The following RIC3 variants were observed in gnomAD, a reference collection of about 807,000 sequenced individuals.
RIC3 encodes protein RIC-3.
Under a neutral mutation model 27.3 loss-of-function variants are expected in RIC3, and 28 were observed. That is an observed-to-expected ratio of 1.02 (90% CI 0.76 to 1.41). The LOEUF is 1.41. Ranked by LOEUF, RIC3 falls within the 40% of genes most tolerant of loss-of-function variation. RIC3 has a pLI of 0.00. For synonymous variants in RIC3, 184 were observed against 160.4 expected (o/e 1.15, Z -1.11); for missense variants, 501 against 444.7 (o/e 1.13, Z -1.14).
intron 1 of RIC3, among the ~76,000 whole-genome samples, chr11:8,157,617 G>T (rs555085129): frequency 6.6e-6 from 1 of 152,208 alleles, no homozygotes; most frequent in South Asian, 2.1e-4. Context: ...GGGTTCCCAG[G>T]GCAGGCTCTG....
At chr11:8,094,158 C>T in the RIC3 span, 16 of 1,613,842 alleles carry the variant, frequency 9.9e-6, no homozygotes, top group East Asian at 2.2e-5. Flanking sequence ...AGGGTGGCGC[C>T]GCTAGGAAGG....
chr11:8,097,888 G>C, the RIC3 span: 3 of 1,302,444 alleles, frequency 2.3e-6, no homozygotes, highest in East Asian at 6.9e-5. Context: ...CAAGCTGTCT[G>C]TAGAGGGCCT....
chr11:8,128,121 T>C, intron 4 of RIC3: 3 of 450,320 alleles, frequency 6.7e-6, no homozygotes, highest in South Asian at 3.2e-5. Flanking sequence ...GAGTCCTGAC[T>C]CTCCACAACT....
intron 1 of RIC3, among the ~76,000 whole-genome samples, chr11:8,146,904 A>C (rs1322539541): frequency 2.0e-5 from 3 of 152,228 alleles, no homozygotes; most frequent in African/African-American, 7.2e-5. Flanking sequence ...GGAAGCTCTC[A>C]GATAGCAGAC....
At position 8,107,599 on chromosome 11, in the gene RIC3, G is replaced by C. The variant is rs1273628368; in HGVS notation, c.*3099C>G. The C allele has an allele frequency of 6.6e-6, 1 of 152,150 alleles. No homozygotes were observed. Among genetic ancestry groups the C allele is most frequent in the African/African-American group, 2.4e-5 (1 of 41,422 alleles). The allele number at this position is 152,150 out of a possible 1,614,324, so 9.4% of individuals were successfully genotyped here. On this transcript the variant is annotated 3_prime_UTR_variant, in exon 6 of 6. Coordinates refer to ENST00000309737, the MANE Select transcript of RIC3 (RefSeq NM_001206671.4). Reference sequence around the variant, plus strand: ...TCACCCAAGCCATATAAGGTGCATTGTATGGTTCTCAAAGGCCGTTGATTC... The same window carrying C: ...TCACCCAAGCCATATAAGGTGCATTCTATGGTTCTCAAAGGCCGTTGATTC...
At chr11:8,149,155 T>C (rs1949999853) in intron 1 of RIC3, among the ~76,000 whole-genome samples, 1 of 151,570 alleles carries the variant, frequency 6.6e-6, no homozygotes, top group Non-Finnish European at 1.5e-5. Context: ...ATCGCACCAC[T>C]GCACTCCAGC....
downstream of RIC3, chr11:8,105,456 A>C (rs949136804): frequency 7.0e-6 from 1 of 142,238 alleles, no homozygotes; most frequent in Admixed American, 7.4e-5. Context: ...CTCATGATAC[A>C]GGCGGGAGGG....
chr11:8,139,613 C>A, intron 2 of RIC3: 1 of 216,192 alleles, frequency 4.6e-6, no homozygotes, highest in Non-Finnish European at 8.9e-6. Context: ...ATCTTTATTC[C>A]TTTTCGGCCT....
the RIC3 span, chr11:8,095,519 T>G: frequency 6.2e-7 from 1 of 1,611,298 alleles, no homozygotes; most frequent in Non-Finnish European, 8.5e-7. Context: ...CCAGCAGCAC[T>G]GGCAGAAGAC....
At position 8,139,991 on chromosome 11, in the gene RIC3, T is replaced by C. The variant is rs762298668; in HGVS notation, c.327A>G (p.Leu109=). The change falls in exon 2 of 6, where the codon TTA becomes TTG. Residue 109 remains leucine (L), a synonymous_variant. Coordinates refer to ENST00000309737, the MANE Select transcript of RIC3 (RefSeq NM_001206671.4). The part of the protein sequence containing the change: ...IIPIYGFGIF[L]YILYILFKLS... ...CCTTAAATAGAATGTACAGTATATA[T>C]AAAAAAATCCCAAAACCGTAGATTG... The C allele has an allele frequency of 1.2e-6, 2 of 1,613,996 alleles. No homozygotes were observed. Among genetic ancestry groups the C allele is most frequent in the Non-Finnish European group, 1.7e-6 (2 of 1,179,972 alleles).
Position 8,133,233 on chromosome 11 carries a change from T to C in RIC3, c.521+4145A>G, listed in dbSNP as rs1947949685. Among the ~76,000 whole-genome samples, 2 of 152,230 alleles carry C rather than the reference T, an allele frequency of 1.3e-5. 1 individual carries two copies. Among genetic ancestry groups the C allele is most frequent in the South Asian group, 4.1e-4 (2 of 4,832 alleles). On this transcript the variant is annotated intron_variant, in intron 4 of 5. Transcript: ENST00000309737. ...ATGCAGCAAGAAGACCCTCAACAGA[T>C]ACCTGCCTGTAAACCTTGGACTTCA...
chr11:8,114,519 T>C (rs1269599815), intron 5 of RIC3, among the ~76,000 whole-genome samples: 3 of 150,500 alleles, frequency 2.0e-5, no homozygotes, highest in African/African-American at 4.9e-5. Flanking sequence ...GGCAGAAGAA[T>C]CGCTTGAACC....
the RIC3 span, chr11:8,100,701 A>G: frequency 9.9e-5 from 143 of 1,442,954 alleles, no homozygotes; most frequent in African/African-American, 1.7e-3. Flanking sequence ...GTGGAGGGGT[A>G]CCATGTGAGA....
Position 8,109,408 on chromosome 11 carries a change from A to G in RIC3, c.*1290T>C, listed in dbSNP as rs975630641. 7 of 152,132 alleles carry G rather than the reference A, an allele frequency of 4.6e-5. No homozygotes were observed. Among genetic ancestry groups the G allele is most frequent in the African/African-American group, 1.7e-4 (7 of 41,434 alleles). The allele number at this position is 152,132 out of a possible 1,614,324, so 9.4% of individuals were successfully genotyped here. A position where few individuals can be genotyped will look rare whatever the true frequency, so the allele number is the denominator to read the frequency against. On this transcript the variant is annotated 3_prime_UTR_variant, in exon 6 of 6. Transcript: ENST00000309737. ...CCTCATGATGTAATTCATGGGTGCT[A>G]TCTTGTCTCAAGAAGACACACGTCA...
intron 5 of RIC3, among the ~76,000 whole-genome samples, chr11:8,115,421 C>CA (rs1205207396): frequency 6.6e-6 from 1 of 152,046 alleles, no homozygotes; most frequent in Non-Finnish European, 1.5e-5. Flanking sequence ...AGCTTATCCC[C>CA]ACAAGATCTA....
In RIC3 at chr11:8,110,704, T is replaced by G. The variant is rs1285394633; in HGVS notation, c.1104A>C (p.Leu368Phe). ...TACTTCAGACTGGCTGTTTTCACTC[T>G]AAACCCTGGGGGTTACGCTTCCTCA... ...SMLRKRNPQG[L>F]E The change falls in exon 6 of 6, where the codon TTA becomes TTC. Residue 368 changes from leucine to phenylalanine, a missense_variant. Coordinates refer to ENST00000309737, the MANE Select transcript of RIC3 (RefSeq NM_001206671.4). 3.1e-6 allele frequency: 5 copies of G among 1,614,122 alleles called. No individual in the cohort carries two copies. Among genetic ancestry groups the G allele is most frequent in the Non-Finnish European group, 4.2e-6 (5 of 1,179,964 alleles).
At chr11:8,134,324 CTCA>C (rs1187835390) in intron 4 of RIC3, among the ~76,000 whole-genome samples, 2 of 152,152 alleles carry the variant, frequency 1.3e-5, no homozygotes, top group Admixed American at 6.5e-5. Flanking sequence ...AGGACATGAA[CTCA>C]TCATTTTTTA....
chr11:8,138,101 C>T (rs115023882), intron 3 of RIC3, among the ~76,000 whole-genome samples, 171 bp downstream of exon 3: 7 of 152,070 alleles, frequency 4.6e-5, no homozygotes, highest in African/African-American at 1.7e-4. Flanking sequence ...TTTTGTAGTA[C>T]ATCAATATAA....
chr11:8,161,699 T>TG (rs572099176), intron 1 of RIC3, among the ~76,000 whole-genome samples: 2 of 152,276 alleles, frequency 1.3e-5, no homozygotes, highest in South Asian at 4.1e-4. Flanking sequence ...GTGAGAGTGA[T>TG]GGAGGACTTA....
Sources: gnomAD v4.1 joint callset for allele counts (sites outside exome capture counted in the v4.1 genomes callset) on GRCh38, gnomAD v4.1.1 for gene constraint, MANE v1.5 for transcripts, NCBI Gene and HGNC (gene_info 2026-07-23, HGNC 2026-07-21) for gene names.